FCHO1: variants seen among roughly 807,000 people sequenced by gnomAD.
The protein encoded by FCHO1 is F-BAR domain only protein 1.
FCHO1 carries 45 observed loss-of-function variants against 114.4 expected under a neutral mutation model. That is an observed-to-expected ratio of 0.39 (90% CI 0.31 to 0.50). The LOEUF (loss-of-function observed/expected upper bound fraction) is 0.50. Ranked by LOEUF, FCHO1 falls within the 20% of genes least tolerant of loss-of-function variation. The pLI, the probability that FCHO1 is intolerant of heterozygous loss-of-function variation, is 0.77. For missense variants in FCHO1, 1,042 were observed against 1,209.6 expected (o/e 0.86, Z 2.06); for synonymous variants, 480 against 488.9 (o/e 0.98, Z 0.24).
Position 17,776,209 on chromosome 19 carries a change from G to A in FCHO1, c.1183-38G>A. 1 of 1,614,116 alleles carries A rather than the reference G, an allele frequency of 6.2e-7. No homozygotes were observed. The highest frequency in any genetic ancestry group is 8.5e-7 in the Non-Finnish European group (1 of 1,180,012). On this transcript the variant is annotated intron_variant, in intron 16 of 28. Transcript: ENST00000596536. The surrounding 1 kb of genome is among the most constrained non-coding windows in gnomAD (Gnocchi z 4.4). ...TGGGTGTTGCTAGAGAGGCTGGCTG[G>A]ATGCATTCGTGTGTGATGTTGCCCA...
rs751586044 is a variant in FCHO1, at chr19:17,784,681, G to A, written c.2227-44G>A. On this transcript the variant is annotated intron_variant, in intron 25 of 28. Coordinates refer to ENST00000596536, the MANE Select transcript of FCHO1 (RefSeq NM_015122.3). The surrounding 1 kb of genome is among the most constrained non-coding windows in gnomAD (Gnocchi z 5.3). ...AATAGCGCATGGTGTGGCAAGACAG[G>A]ATGGCCCAAGCTGTGTCCTCTCTCT... 6.3e-7 allele frequency: 1 copy of A among 1,590,522 alleles called. No homozygotes were observed. The highest frequency in any genetic ancestry group is 1.7e-5 in the Admixed American group (1 of 59,952).
chr19:17,757,414 G>A (rs2084037432), intron 4 of FCHO1, among the ~76,000 whole-genome samples: 1 of 152,034 alleles, frequency 6.6e-6, no homozygotes, highest in East Asian at 1.9e-4. Flanking sequence ...GGTGCCTGGT[G>A]CAGCCTCACC....
chr19:17,780,898 T>C (rs1472644411), intron 20 of FCHO1, among the ~76,000 whole-genome samples: 1 of 152,064 alleles, frequency 6.6e-6, no homozygotes, highest in Admixed American at 6.6e-5. Context: ...AGGGTAGAGG[T>C]CACAAAATGG....
chr19:17,772,624 C>T, intron 10 of FCHO1, 21 bp from the exon 11 acceptor site: 1 of 1,613,814 alleles, frequency 6.2e-7, no homozygotes, highest in Non-Finnish European at 8.5e-7. Flanking sequence ...ACCAGTTACA[C>T]ACCCCGCCCA....
rs71162195 is a variant in FCHO1 at position 17,763,563 on chromosome 19, C to CTTTT, written c.119+722_119+725dup. On this transcript the variant is annotated intron_variant, in intron 5 of 28. Coordinates refer to ENST00000596536, the MANE Select transcript of FCHO1 (RefSeq NM_015122.3). ...ACAGATGTAAGCCACTGCACTCTGC[C>CTTTT]TTTTTTTTTTTTTTTCTTTTTGGAG... 3.3e-4 allele frequency among the ~76,000 whole-genome samples: 37 copies of CTTTT among 113,538 alleles called. 5 individuals are homozygous for CTTTT. Among genetic ancestry groups the CTTTT allele is most frequent in the Non-Finnish European group, 4.5e-4 (26 of 57,262 alleles). 74.5% of individuals were successfully genotyped at this position (113,538 alleles called of 152,430 possible).
At chr19:17,766,933 C>A in intron 7 of FCHO1, 123 bp downstream of exon 7, 1 of 1,079,358 alleles carries the variant, frequency 9.3e-7, no homozygotes, top group Non-Finnish European at 1.3e-6. Context: ...CCGTTAATTC[C>A]ACAACGTCAA....
chr19:17,766,385 G>A (rs944662626), intron 6 of FCHO1, among the ~76,000 whole-genome samples: 1 of 151,478 alleles, frequency 6.6e-6, no homozygotes, highest in Non-Finnish European at 1.5e-5. Flanking sequence ...TGACCTGCTC[G>A]ACTCGGTCTC....
rs1335357980 is a variant in FCHO1 at position 17,781,987 on chromosome 19, C to T, written c.1937+167C>T. Among the ~76,000 whole-genome samples the T allele has an allele frequency of 4.0e-5, 5 of 126,046 alleles. No individual in the cohort carries two copies. In the South Asian group the frequency reaches 7.0e-4, roughly 18 times the overall value. The allele number at this position is 126,046 out of a possible 152,430, so 82.7% of individuals were successfully genotyped here. A position where few individuals can be genotyped will look rare whatever the true frequency, so the allele number is the denominator to read the frequency against. ...GAGGGCAGTGGAGCCATAGGAGGGC[C>T]TTTTTTTTTTTTTTTTTTTTTTTTT... On this transcript the variant is annotated intron_variant, in intron 23 of 28. Transcript: ENST00000596536.
rs1167640128 is a variant in FCHO1 at position 17,778,699 on chromosome 19, C to T, written c.1442C>T (p.Ser481Phe). 3.2e-6 allele frequency: 5 copies of T among 1,553,470 alleles called. No homozygotes were observed. The highest frequency in any genetic ancestry group is 2.7e-5 in the African/African-American group (2 of 73,504). The change falls in exon 20 of 29, where the codon TCC becomes TTC. Residue 481 changes from serine to phenylalanine, a missense_variant. Ser to Phe is a radical substitution (Grantham distance 155). This residue lies in a region of FCHO1 where 455 missense variants were observed against 455.4 expected (regional missense o/e 1.00). Coordinates refer to ENST00000596536, the MANE Select transcript of FCHO1 (RefSeq NM_015122.3). ...GAGGATTCCGGCCTGGACTCTCCGT[C>T]CCACGCGGCACCTGGCCCCTCCCCA... ...NVEDSGLDSPSHAAPGPSPDS... is the reference protein window; with the variant it reads ...NVEDSGLDSPFHAAPGPSPDS...
At chr19:17,781,186 G>A (rs765745786) in intron 20 of FCHO1, 45 bp from the exon 21 acceptor site, 4 of 1,430,460 alleles carry the variant, frequency 2.8e-6, no homozygotes, top group East Asian at 2.3e-5. Context: ...GGCCCCAGAG[G>A]CCCCGGGCAG....
At position 17,784,602 on chromosome 19, in the gene FCHO1, CCT is replaced by C; in HGVS notation, c.2227-122_2227-121del. ...TACAGCCTCTCATCCATCAAATCTC[CCT>C]GTGACTGGACCCCCTTGGGGCGGTG... On this transcript the variant is annotated intron_variant, in intron 25 of 28. Coordinates refer to ENST00000596536, the MANE Select transcript of FCHO1 (RefSeq NM_015122.3). This position sits in a 1 kb window ranked among gnomAD's most constrained non-coding sequence, Gnocchi z 5.3. 2.2e-6 allele frequency: 2 copies of C among 928,024 alleles called. No individual in the cohort carries two copies. The highest frequency in any genetic ancestry group is 3.5e-6 in the Non-Finnish European group (2 of 574,452). 57.5% of individuals were successfully genotyped at this position (928,024 alleles called of 1,614,324 possible). A position where few individuals can be genotyped will look rare whatever the true frequency, so the allele number is the denominator to read the frequency against.
At position 17,784,838 on chromosome 19, in the gene FCHO1, T is replaced by C; in HGVS notation, c.2340T>C (p.Ala780=). The change falls in exon 26 of 29, where the codon GCT becomes GCC. Residue 780 remains alanine (A), a synonymous_variant. Transcript: ENST00000596536. The surrounding 1 kb of genome is among the most constrained non-coding windows in gnomAD (Gnocchi z 5.3). ...VEYGYRPGAT[A]VPTPLTNVQI... ...ACGGCTACCGGCCCGGTGCCACGGC[T>C]GTGCCCACACCACTCACGAACGTCC... 6.2e-7 allele frequency: 1 copy of C among 1,613,988 alleles called. No homozygotes were observed. The highest frequency in any genetic ancestry group is 8.5e-7 in the Non-Finnish European group (1 of 1,180,030).
At chr19:17,774,091 C>G (rs2092241199) in intron 11 of FCHO1, 148 bp from the exon 12 acceptor site, 1 of 674,358 alleles carries the variant, frequency 1.5e-6, no homozygotes, top group South Asian at 1.6e-5. Context: ...GTAATTTTAG[C>G]AGAGACAGGG....
Position 17,781,711 on chromosome 19 carries a change from G to A in FCHO1, c.1829-1G>A. 1 of 1,600,206 alleles carries A rather than the reference G, an allele frequency of 6.2e-7. No individual in the cohort carries two copies. Among genetic ancestry groups the A allele is most frequent in the Non-Finnish European group, 8.5e-7 (1 of 1,173,202 alleles). ...CCCCATTCCCTCTCCACCACCCCCA[G>A]GAGTCTCCCGGGGTCCGAGCCCTGT... On this transcript the variant is annotated splice_acceptor_variant, in intron 22 of 28. Coordinates refer to ENST00000596536, the MANE Select transcript of FCHO1 (RefSeq NM_015122.3). LOFTEE classifies it high-confidence loss of function.
chr19:17,757,626 A>G (rs1458110062), intron 4 of FCHO1, among the ~76,000 whole-genome samples: 3 of 152,182 alleles, frequency 2.0e-5, no homozygotes, highest in Non-Finnish European at 4.4e-5. Context: ...ACAAGAAGAG[A>G]AAATATAGGT....
upstream of FCHO1, among the ~76,000 whole-genome samples, chr19:17,748,330 C>T (rs555897109): frequency 8.5e-4 from 130 of 152,252 alleles, no homozygotes; most frequent in African/African-American, 3.0e-3. Context: ...TGTCACCTGG[C>T]CCCTCCTCTA....
intron 26 of FCHO1, 127 bp downstream of exon 26, chr19:17,785,051 G>T: frequency 2.2e-6 from 2 of 891,578 alleles, no homozygotes; most frequent in Middle Eastern, 3.3e-4. Flanking sequence ...ACCCTGCTTA[G>T]CACTAAGGGT....
At chr19:17,786,366 AC>A in intron 26 of FCHO1, among the ~76,000 whole-genome samples, 1 of 147,112 alleles carries the variant, frequency 6.8e-6, no homozygotes, top group South Asian at 2.1e-4. Context: ...AAACAAACAC[AC>A]ACACACACAC....
chr19:17,784,936 C>T lies in FCHO1; in HGVS notation c.2426+12C>T, dbSNP rs766165744. 6.8e-6 allele frequency: 11 copies of T among 1,607,270 alleles called. No individual in the cohort carries two copies. Among genetic ancestry groups the T allele is most frequent in the East Asian group, 2.2e-5 (1 of 44,884 alleles). ...CCGGCTGCCACCTGGTGAGGGCTTGCGGGAGGCCAAGGAAAACTCAGCAGT... is the reference window on the plus strand; with the variant it reads ...CCGGCTGCCACCTGGTGAGGGCTTGTGGGAGGCCAAGGAAAACTCAGCAGT... On this transcript the variant is annotated intron_variant, in intron 26 of 28. Transcript: ENST00000596536. The surrounding 1 kb of genome is among the most constrained non-coding windows in gnomAD (Gnocchi z 5.3).
Sources: gnomAD v4.1 joint callset for allele counts (sites outside exome capture counted in the v4.1 genomes callset) on GRCh38, gnomAD v4.1.1 for gene constraint, gnomAD v4.1.1 regional missense constraint, Gnocchi (gnomAD v3.1) non-coding constraint, MANE v1.5 for transcripts, NCBI Gene and HGNC (gene_info 2026-07-23, HGNC 2026-07-21) for gene names.